Variants in CFAP43 observed in about 807,000 individuals in gnomAD.
CFAP43 encodes cilia- and flagella-associated protein 43.
In CFAP43, 155 loss-of-function variants were observed where a neutral mutation model predicts 218.9. The observed-to-expected ratio is 0.71, with a 90% CI of 0.62 to 0.81. The LOEUF (loss-of-function observed/expected upper bound fraction) is 0.81, where lower values mean the gene tolerates loss of function less well. Ranked by LOEUF, CFAP43 falls within the 30% of genes least tolerant of loss-of-function variation. CFAP43 has a pLI of 0.00. For missense variants in CFAP43, 1,778 were observed against 1,954.3 expected, an observed-to-expected ratio of 0.91 and a Z score of 1.70; for synonymous variants, 645 against 681.3, an observed-to-expected ratio of 0.95 and a Z score of 0.83.
intron 23 of CFAP43, among the ~76,000 whole-genome samples, chr10:104,165,242 G>A (rs1208612135): frequency 6.6e-6 from 1 of 152,200 alleles, no homozygotes; most frequent in Non-Finnish European, 1.5e-5. Context: ...TGGCCTTTAT[G>A]TTGCCATAGG....
rs772172286 is a variant in CFAP43, at chr10:104,162,022, C to T, written c.3353G>A (p.Arg1118Gln). Residue 1118 changes from arginine (R) to glutamine (Q), a missense_variant, in exon 26 of 38, where the codon CGA becomes CAA. Arg to Gln is a conservative substitution (Grantham distance 43, BLOSUM62 1). Around this residue, in one of 3 missense-constraint regions of CFAP43, gnomAD observed 1,553 missense variants for 1,685.2 expected, o/e 0.92. Coordinates refer to ENST00000357060, the MANE Select transcript of CFAP43 (RefSeq NM_025145.7). ...TCCTCCCATCATGTCCATCAGAGCTCGGAGTCTTGTACTGGCATCCTGGGA... is the reference window on the plus strand; with the variant it reads ...TCCTCCCATCATGTCCATCAGAGCTTGGAGTCTTGTACTGGCATCCTGGGA... Reference protein sequence around the residue: ...LLIQDASTRLRALMDMMGGVL... With the variant: ...LLIQDASTRLQALMDMMGGVL... 9.3e-6 allele frequency: 15 copies of T among 1,613,412 alleles called. No individual in the cohort carries two copies. Among genetic ancestry groups the T allele is most frequent in the South Asian group, 5.5e-5 (5 of 90,928 alleles).
intron 4 of CFAP43, among the ~76,000 whole-genome samples, chr10:104,213,246 T>C (rs1385276114): frequency 1.3e-5 from 2 of 152,184 alleles, no homozygotes; most frequent in East Asian, 3.9e-4. Context: ...AGCTTTAGAT[T>C]CTCTTAAGGC....
chr10:104,182,600 C>T, intron 16 of CFAP43, 87 bp from the exon 17 acceptor site: 1 of 1,287,826 alleles, frequency 7.8e-7, no homozygotes, highest in African/African-American at 1.5e-5. Flanking sequence ...AGGTAACTAA[C>T]CATTTCAGTT....
chr10:104,141,473 G>A (rs911422312), intron 33 of CFAP43, among the ~76,000 whole-genome samples: 1 of 152,084 alleles, frequency 6.6e-6, no homozygotes, highest in Non-Finnish European at 1.5e-5. Context: ...TTAGCCAGGG[G>A]TGGTGACAGG....
At chr10:104,150,937 C>G (rs958979967) in intron 28 of CFAP43, among the ~76,000 whole-genome samples, 1 of 152,076 alleles carries the variant, frequency 6.6e-6, no homozygotes, top group Admixed American at 6.6e-5. Flanking sequence ...TTGTTCCCCT[C>G]TATGTGCCCA....
In CFAP43 at chr10:104,131,414, T is replaced by C. The variant is rs540293099; in HGVS notation, c.4748A>G (p.Asp1583Gly). ...GCAGCTTAGGGCATAATTTGCTATA[T>C]CTTTTTGATTGCTGAACTTTCCAAG... The part of the protein sequence containing the change: ...KKLGKFSNQK[D>G]IANYALSCNL... Residue 1583 changes from aspartate (D) to glycine (G), a missense_variant, in exon 37 of 38, where the codon GAT (aspartate) becomes GGT (glycine). Asp to Gly is a moderately conservative substitution (Grantham distance 94). Transcript: ENST00000357060. The C allele has an allele frequency of 8.9e-5, 144 of 1,613,814 alleles. No homozygotes were observed. In the Admixed American group the frequency reaches 2.2e-3, roughly 25 times the overall value.
Position 104,196,923 on chromosome 10 carries a change from T to C in CFAP43, c.1223A>G (p.Tyr408Cys). 1 of 1,610,722 alleles carries C rather than the reference T, an allele frequency of 6.2e-7. No homozygotes were observed. Among genetic ancestry groups the C allele is most frequent in the Non-Finnish European group, 8.5e-7 (1 of 1,178,994 alleles). Residue 408 changes from tyrosine to cysteine, a missense_variant, in exon 10 of 38, where the codon TAT becomes TGT. Physicochemically the swap from Tyr to Cys is radical, Grantham distance 194. Coordinates refer to ENST00000357060, the MANE Select transcript of CFAP43 (RefSeq NM_025145.7). ...PGTQYFMTLT[Y>C]SGEICVWWLE... Reference sequence around the variant, plus strand: ...CCACCAAACACAAATTTCCCCTGAATATGTAAGTGTCTGTAAAAAAAGAAA... The same window carrying C: ...CCACCAAACACAAATTTCCCCTGAACATGTAAGTGTCTGTAAAAAAAGAAA...
intron 6 of CFAP43, among the ~76,000 whole-genome samples, chr10:104,206,474 G>T (rs907624600): frequency 4.6e-5 from 7 of 152,202 alleles, no homozygotes. Flanking sequence ...CCAGGGCATA[G>T]TTGGAAATAA....
At chr10:104,138,600 A>G (rs1028893742) in intron 34 of CFAP43, among the ~76,000 whole-genome samples, 1 of 152,026 alleles carries the variant, frequency 6.6e-6, no homozygotes, top group Non-Finnish European at 1.5e-5. Flanking sequence ...GCTTGAACCC[A>G]GAAGGTGGAG....
intron 28 of CFAP43, among the ~76,000 whole-genome samples, chr10:104,150,862 A>AT (rs2088217156): frequency 1.3e-5 from 2 of 151,900 alleles, no homozygotes; most frequent in African/African-American, 2.4e-5. Flanking sequence ...CCCAATAGTT[A>AT]TTTTTTCTGA....
chr10:104,230,336 G>A (rs1048148811), intron 2 of CFAP43, among the ~76,000 whole-genome samples: 3 of 151,782 alleles, frequency 2.0e-5, no homozygotes, highest in African/African-American at 7.3e-5. Flanking sequence ...GTGGTGGTGC[G>A]CACCTGTAAT....
intron 28 of CFAP43, among the ~76,000 whole-genome samples, chr10:104,151,966 C>G (rs1028168201): frequency 6.6e-6 from 1 of 152,176 alleles, no homozygotes; most frequent in Non-Finnish European, 1.5e-5. Context: ...ATTTTTTCCT[C>G]AGAATTTAAG....
intron 6 of CFAP43, among the ~76,000 whole-genome samples, chr10:104,206,445 C>A (rs1200300010): frequency 1.3e-5 from 2 of 152,090 alleles, no homozygotes; most frequent in Non-Finnish European, 2.9e-5. Flanking sequence ...AAATAAATGA[C>A]TGGCTCAGAA....
At chr10:104,221,369 T>C (rs778175015) in intron 3 of CFAP43, among the ~76,000 whole-genome samples, 7 of 152,156 alleles carry the variant, frequency 4.6e-5, no homozygotes, top group African/African-American at 9.7e-5. Context: ...CTAACCCCAA[T>C]GGTGATGGTA....
chr10:104,167,228 G>A (rs970629526), intron 22 of CFAP43, among the ~76,000 whole-genome samples: 1 of 152,098 alleles, frequency 6.6e-6, no homozygotes, highest in Non-Finnish European at 1.5e-5. Flanking sequence ...TTGGGATTTA[G>A]GAAAACCATA....
Position 104,179,908 on chromosome 10 carries a change from A to G in CFAP43, c.2314T>C (p.Ser772Pro), listed in dbSNP as rs918136921. 1.9e-6 allele frequency: 3 copies of G among 1,613,802 alleles called. No homozygotes were observed. The highest frequency in any genetic ancestry group is 2.2e-5 in the East Asian group (1 of 44,866). The part of the protein sequence containing the change: ...HTKQKASTDL[S>P]QDELVLTDVK... ...TCGGTTAGAACTAATTCATCTTGTG[A>G]TAAGTCAGTGCTTGCCTTCTGTTTC... Residue 772 changes from serine (S) to proline (P), a missense_variant, in exon 18 of 38, where the codon TCA (serine) becomes CCA (proline). Transcript: ENST00000357060.
At chr10:104,212,210 A>G in intron 4 of CFAP43, 53 bp from the exon 5 acceptor site, 1 of 1,565,414 alleles carries the variant, frequency 6.4e-7, no homozygotes, top group Non-Finnish European at 8.7e-7. Flanking sequence ...CTTCTTATTG[A>G]TGCAACCACT....
At chr10:104,130,888 C>T (rs1412317412) in intron 37 of CFAP43, among the ~76,000 whole-genome samples, 2 of 149,428 alleles carry the variant, frequency 1.3e-5, no homozygotes, top group Non-Finnish European at 3.0e-5. Context: ...GTCCCAGGCA[C>T]TTGAGGGGGC....
At chr10:104,227,835 C>CTTTTTTTTTTTTTTTT (rs776193577) in intron 2 of CFAP43, among the ~76,000 whole-genome samples, 1 of 58,356 alleles carries the variant, frequency 1.7e-5, no homozygotes. Context: ...ATGTTTTCTA[C>CTTTTTTTTTTTTTTTT]TTTTTTTTTT....
Sources: gnomAD v4.1 joint callset for allele counts (sites outside exome capture counted in the v4.1 genomes callset) on GRCh38, gnomAD v4.1.1 for gene constraint, gnomAD v4.1.1 regional missense constraint, MANE v1.5 for transcripts, NCBI Gene and HGNC (gene_info 2026-07-23, HGNC 2026-07-21) for gene names.